Variants in FUT8 observed in about 807,000 individuals in gnomAD.
FUT8 encodes the protein fucosyltransferase 8.
In FUT8, 29 loss-of-function variants were observed where a neutral mutation model predicts 71.3. The ratio of observed to expected loss-of-function variants is 0.41; its 90% CI spans 0.30 to 0.55. FUT8 has a LOEUF of 0.55. FUT8 is among the 20% of genes least tolerant of loss of function. The pLI is 0.34. For synonymous variants in FUT8, 254 were observed against 239.3 expected (o/e 1.06, Z -0.57); for missense variants, 544 against 702.1 (o/e 0.77, Z 2.55).
chr14:65,576,672 G>T (rs1886790006), intron 3 of FUT8, among the ~76,000 whole-genome samples: 1 of 132,820 alleles, frequency 7.5e-6, no homozygotes, highest in African/African-American at 2.9e-5. Flanking sequence ...GGGAACACAG[G>T]TGTGTGCCAT....
Position 65,672,268 on chromosome 14 carries a change from GT to G in FUT8, c.835+2791del, listed in dbSNP as rs533005037. ...GTACATGCCATGTCTATTCCTAATA[GT>G]TTATGTGCCCTAAGGTTGTTGATGA... On this transcript the variant is annotated intron_variant, in intron 7 of 10. Coordinates refer to ENST00000673929, the MANE Select transcript of FUT8 (RefSeq NM_001371533.1). Among the ~76,000 whole-genome samples, 212 of 152,206 alleles carry G rather than the reference GT, an allele frequency of 1.4e-3. 1 individual carries two copies. Among genetic ancestry groups the G allele is most frequent in the African/African-American group, 4.7e-3 (196 of 41,544 alleles).
chr14:65,496,960 C>T (rs1184102059), intron 2 of FUT8, among the ~76,000 whole-genome samples: 2 of 152,102 alleles, frequency 1.3e-5, no homozygotes, highest in African/African-American at 4.8e-5. Flanking sequence ...GTTACTAGAC[C>T]TCAGTTTCCT....
chr14:65,556,420 G>A (rs999272287), intron 2 of FUT8, among the ~76,000 whole-genome samples: 2 of 152,148 alleles, frequency 1.3e-5, no homozygotes, highest in Non-Finnish European at 1.5e-5. Flanking sequence ...TTAAATCTTC[G>A]TTGGCTGTTG....
At chr14:65,696,045 C>T (rs560964933) in intron 7 of FUT8, among the ~76,000 whole-genome samples, 2 of 152,188 alleles carry the variant, frequency 1.3e-5, no homozygotes, top group Non-Finnish European at 2.9e-5. Context: ...ATTTCTCTCT[C>T]CCATCCCGTA....
At chr14:65,519,617 A>T (rs981703881) in intron 2 of FUT8, among the ~76,000 whole-genome samples, 1 of 152,166 alleles carries the variant, frequency 6.6e-6, no homozygotes, top group East Asian at 1.9e-4. Flanking sequence ...TTTAAACTTA[A>T]TATTCTATCT....
chr14:65,656,422 A>C (rs367852508), intron 6 of FUT8, among the ~76,000 whole-genome samples: 6 of 152,220 alleles, frequency 3.9e-5, no homozygotes, highest in African/African-American at 1.2e-4. Flanking sequence ...CAAGAAATTA[A>C]CCAAAGAAGT....
intron 1 of FUT8, among the ~76,000 whole-genome samples, chr14:65,423,302 G>C (rs1209616791): frequency 7.3e-5 from 9 of 123,066 alleles, no homozygotes; most frequent in Middle Eastern, 5.8e-3. Context: ...GGCTCTGTCG[G>C]CCAGGCTGGA....
intron 1 of FUT8, among the ~76,000 whole-genome samples, chr14:65,426,377 A>G (rs2099662729): frequency 6.8e-6 from 1 of 147,468 alleles, no homozygotes; most frequent in African/African-American, 2.5e-5. Context: ...AAGATAGATT[A>G]TCAGGAGAAA....
chr14:65,415,394 T>G (rs867956825), intron 1 of FUT8, among the ~76,000 whole-genome samples: 9 of 152,204 alleles, frequency 5.9e-5, no homozygotes, highest in African/African-American at 1.9e-4. Flanking sequence ...GCTGCAATAA[T>G]GGAAAGCTAA....
chr14:65,572,738 G>A (rs1015728887), intron 3 of FUT8, among the ~76,000 whole-genome samples: 6 of 152,140 alleles, frequency 3.9e-5, no homozygotes, highest in African/African-American at 1.4e-4. Context: ...TGATAAAGGA[G>A]TAATGAGGAC....
rs371746381 is a variant in FUT8 at position 65,667,752 on chromosome 14, C to T, written c.598-1491C>T. The stretch of plus-strand genomic sequence containing the variant: ...GCAAAAAGAACAAAGCTGGAAGCAC[C>T]GCATTACCCGAATTCAAACTATACT... On this transcript the variant is annotated intron_variant, in intron 6 of 10. Coordinates refer to ENST00000673929, the MANE Select transcript of FUT8 (RefSeq NM_001371533.1). 1.6e-4 allele frequency among the ~76,000 whole-genome samples: 24 copies of T among 152,150 alleles called. 3 individuals carry two copies. The highest frequency in any genetic ancestry group is 3.6e-4 in the African/African-American group (15 of 41,526).
At position 65,483,507 on chromosome 14, in the gene FUT8, C is replaced by T. The variant is rs768822302; in HGVS notation, c.-228+27789C>T. The stretch of plus-strand genomic sequence containing the variant: ...TGTAAATATTTGATTGGAATTGCAT[C>T]GAATCTATAGATGAATTTGAGGGAC... On this transcript the variant is annotated intron_variant, in intron 2 of 10. Coordinates refer to ENST00000673929, the MANE Select transcript of FUT8 (RefSeq NM_001371533.1). This position sits in a 1 kb window ranked among gnomAD's most constrained non-coding sequence, Gnocchi z 4.4. 6.6e-6 allele frequency among the ~76,000 whole-genome samples: 1 copy of T among 152,076 alleles called. No homozygotes were observed. The highest frequency in any genetic ancestry group is 1.5e-5 in the Non-Finnish European group (1 of 68,016).
At chr14:65,729,541 T>C (rs1488345661) in intron 9 of FUT8, among the ~76,000 whole-genome samples, 2 of 132,456 alleles carry the variant, frequency 1.5e-5, no homozygotes, top group Non-Finnish European at 3.5e-5. Context: ...TTTTTTTTTT[T>C]TTTTAAATAC....
chr14:65,523,887 G>A (rs1427895101), intron 2 of FUT8, among the ~76,000 whole-genome samples: 1 of 152,156 alleles, frequency 6.6e-6, no homozygotes, highest in East Asian at 1.9e-4. Flanking sequence ...GGTTGTAGAT[G>A]TGTGGTATTA....
intron 7 of FUT8, among the ~76,000 whole-genome samples, chr14:65,706,136 T>C (rs973728206): frequency 2.6e-5 from 4 of 152,212 alleles, no homozygotes; most frequent in African/African-American, 9.6e-5. Flanking sequence ...GATACTATTA[T>C]CAGTCCCATT....
rs1304240794 is a variant in FUT8, at chr14:65,638,910, T to C, written c.597+9304T>C. On this transcript the variant is annotated intron_variant, in intron 6 of 10. Coordinates refer to ENST00000673929, the MANE Select transcript of FUT8 (RefSeq NM_001371533.1). This position sits in a 1 kb window ranked among gnomAD's most constrained non-coding sequence, Gnocchi z 4.5. ...AATATCTGTAACTCATTAGAAAAAG[T>C]TGTCAGCCTAACTACATTAAAATAT... Among the ~76,000 whole-genome samples, 1 of 152,152 alleles carries C rather than the reference T, an allele frequency of 6.6e-6. No individual in the cohort carries two copies. Among genetic ancestry groups the C allele is most frequent in the East Asian group, 1.9e-4 (1 of 5,200 alleles).
chr14:65,429,368 G>A (rs2065434678), intron 1 of FUT8, among the ~76,000 whole-genome samples: 1 of 152,162 alleles, frequency 6.6e-6, no homozygotes, highest in Non-Finnish European at 1.5e-5. Context: ...GGAGGGGAAT[G>A]TAGCTATAAA....
chr14:65,627,988 A>G lies in FUT8; in HGVS notation c.483-1504A>G, dbSNP rs559017134. Among the ~76,000 whole-genome samples the G allele has an allele frequency of 2.0e-5, 3 of 152,286 alleles. No homozygotes were observed. The highest frequency in any genetic ancestry group is 7.2e-5 in the African/African-American group (3 of 41,558). On this transcript the variant is annotated intron_variant, in intron 5 of 10. Coordinates refer to ENST00000673929, the MANE Select transcript of FUT8 (RefSeq NM_001371533.1). The surrounding 1 kb of genome is among the most constrained non-coding windows in gnomAD (Gnocchi z 4.0). ...TACCTACTCAAACAGGAGGAGAGGG[A>G]AAACCAAGGGTTGAGGGTGATAGGC...
intron 1 of FUT8, among the ~76,000 whole-genome samples, chr14:65,420,202 AAATT>A (rs1268530783): frequency 6.6e-6 from 1 of 152,220 alleles, no homozygotes; most frequent in East Asian, 1.9e-4. Flanking sequence ...AATGAAAATA[AAATT>A]ACCAAAGAAG....
Sources: gnomAD v4.1 joint callset for allele counts (sites outside exome capture counted in the v4.1 genomes callset) on GRCh38, gnomAD v4.1.1 for gene constraint, Gnocchi (gnomAD v3.1) non-coding constraint, MANE v1.5 for transcripts, NCBI Gene and HGNC (gene_info 2026-07-23, HGNC 2026-07-21) for gene names.